LRRTM4: variants seen among roughly 807,000 people sequenced by gnomAD.
LRRTM4 encodes the protein leucine-rich repeat transmembrane neuronal protein 4.
LRRTM4 carries 25 observed loss-of-function variants against 47.6 expected under a neutral mutation model. The ratio of observed to expected loss-of-function variants is 0.53; its 90% confidence interval spans 0.38 to 0.73. The LOEUF is 0.73. Ranked by LOEUF, LRRTM4 falls within the 30% of genes least tolerant of loss-of-function variation. LRRTM4 has a pLI of 0.00. For missense variants in LRRTM4, 638 were observed against 713.4 expected, an observed-to-expected ratio of 0.89 and a Z score of 1.20; for synonymous variants, 311 against 269.5, an observed-to-expected ratio of 1.15 and a Z score of -1.51.
chr2:77,364,311 A>C (rs930421885), intron 3 of LRRTM4, among the ~76,000 whole-genome samples: 3 of 152,130 alleles, frequency 2.0e-5, no homozygotes, highest in Non-Finnish European at 4.4e-5. Context: ...TTCAAAATAA[A>C]TGCTGTATAT....
intron 3 of LRRTM4, among the ~76,000 whole-genome samples, chr2:76,954,586 G>C (rs1479006146): frequency 6.6e-6 from 1 of 151,692 alleles, no homozygotes; most frequent in Non-Finnish European, 1.5e-5. Flanking sequence ...GGGAGTTCCA[G>C]ACGAAGAAGA....
At chr2:77,296,417 C>G (rs143165386) in intron 3 of LRRTM4, among the ~76,000 whole-genome samples, 11 of 152,178 alleles carry the variant, frequency 7.2e-5, no homozygotes, top group African/African-American at 1.4e-4. Context: ...AGTATCATTA[C>G]CTTCTTTGTA....
intron 3 of LRRTM4, among the ~76,000 whole-genome samples, chr2:77,284,279 C>T (rs1676590330): frequency 6.6e-6 from 1 of 152,014 alleles, no homozygotes; most frequent in Non-Finnish European, 1.5e-5. Flanking sequence ...TCATAGTATA[C>T]TTACATATTG....
intron 3 of LRRTM4, among the ~76,000 whole-genome samples, chr2:77,313,968 T>A (rs1677546453): frequency 6.6e-6 from 1 of 152,222 alleles, no homozygotes; most frequent in Non-Finnish European, 1.5e-5. Flanking sequence ...CACGTTGCAA[T>A]GGGAATCATT....
At chr2:76,942,676 C>G (rs10193590) in intron 3 of LRRTM4, among the ~76,000 whole-genome samples, 34,464 of 148,142 alleles carry the variant, frequency 0.23, 4,828 homozygotes, top group African/African-American at 0.39. Context: ...CTCTAGGAAT[C>G]TGTGTGTGTG....
At chr2:77,343,293 G>A (rs1671442164) in intron 3 of LRRTM4, among the ~76,000 whole-genome samples, 2 of 151,912 alleles carry the variant, frequency 1.3e-5, no homozygotes, top group East Asian at 3.9e-4. Context: ...AACTTGCTTG[G>A]TCTTGTCATA....
At position 77,367,767 on chromosome 2, in the gene LRRTM4, T is replaced by A. The variant is rs145302268; in HGVS notation, c.1551+150551A>T. On this transcript the variant is annotated intron_variant, in intron 3 of 3. Coordinates refer to ENST00000409884, the MANE Select transcript of LRRTM4 (RefSeq NM_001134745.3). ...TGCTTTGTGGCCTTCAAGGTCTGGA[T>A]TGAGAGAGGCTCATCCATTCAATCA... 1.1e-4 allele frequency among the ~76,000 whole-genome samples: 16 copies of A among 151,946 alleles called. 1 individual carries two copies. The East Asian group carries it at 3.1e-3, about 29-fold the overall frequency.
intron 3 of LRRTM4, among the ~76,000 whole-genome samples, chr2:77,035,213 C>T (rs1183568407): frequency 6.6e-6 from 1 of 151,126 alleles, no homozygotes; most frequent in Non-Finnish European, 1.5e-5. Flanking sequence ...CCCTCCCCTT[C>T]CCCCCACCCC....
At chr2:77,145,482 T>C (rs1157858033) in intron 3 of LRRTM4, among the ~76,000 whole-genome samples, 1 of 151,872 alleles carries the variant, frequency 6.6e-6, no homozygotes, top group East Asian at 1.9e-4. Context: ...TTAAAAGTTG[T>C]ATGTGGCTGG....
At chr2:76,834,491 A>C (rs934293759) in intron 3 of LRRTM4, among the ~76,000 whole-genome samples, 1 of 151,988 alleles carries the variant, frequency 6.6e-6, no homozygotes, top group Non-Finnish European at 1.5e-5. Context: ...TATGTTTAAG[A>C]TCTAAGTACA....
rs558993659 is a variant in LRRTM4, at chr2:77,106,546, A to G, written c.1552-357630T>C. ...TGGAATTAAGTAACACATATTAAAA[A>G]AAAACTTAATGAAGAGAAAAATATT... is the stretch of plus-strand genomic sequence containing the variant. On this transcript the variant is annotated intron_variant, in intron 3 of 3. Coordinates refer to ENST00000409884, the MANE Select transcript of LRRTM4 (RefSeq NM_001134745.3). Among the ~76,000 whole-genome samples the G allele has an allele frequency of 2.6e-5, 4 of 152,290 alleles. No individual in the cohort carries two copies. The East Asian group carries it at 7.7e-4, about 29-fold the overall frequency.
At chr2:76,967,969 G>C (rs917072177) in intron 3 of LRRTM4, among the ~76,000 whole-genome samples, 1 of 151,154 alleles carries the variant, frequency 6.6e-6, no homozygotes, top group Non-Finnish European at 1.5e-5. Flanking sequence ...CAGTTGGTTG[G>C]CAAATATAAA....
At chr2:76,962,369 C>T (rs1326149515) in intron 3 of LRRTM4, among the ~76,000 whole-genome samples, 4 of 151,084 alleles carry the variant, frequency 2.6e-5, no homozygotes, top group Admixed American at 6.6e-5. Context: ...TAAGTAATTA[C>T]ATTACCTTCC....
In LRRTM4 at chr2:77,519,327, C is replaced by T. The variant is rs1271861750; in HGVS notation, c.542G>A (p.Arg181Gln). The change falls in exon 3 of 4, where the codon CGG becomes CAG. Residue 181 changes from arginine to glutamine, a missense_variant. Physicochemically the swap from Arg to Gln is conservative, Grantham distance 43. Coordinates refer to ENST00000409884, the MANE Select transcript of LRRTM4 (RefSeq NM_001134745.3). This position sits in a 1 kb window ranked among gnomAD's most constrained non-coding sequence, Gnocchi z 4.6. ...ACCCAAATCCAAAAAATCAAGATTCCGACAGTCTTGAAAAACTCTTATGGG... is the reference window on the plus strand; with the variant it reads ...ACCCAAATCCAAAAAATCAAGATTCTGACAGTCTTGAAAAACTCTTATGGG... ...TVPIRVFQDCRNLDFLDLGYN... is the reference protein window; with the variant it reads ...TVPIRVFQDCQNLDFLDLGYN... 1 of 1,613,376 alleles carries T rather than the reference C, an allele frequency of 6.2e-7. No individual in the cohort carries two copies.
chr2:76,874,116 T>C (rs1216604867), intron 3 of LRRTM4, among the ~76,000 whole-genome samples: 1 of 151,896 alleles, frequency 6.6e-6, no homozygotes, highest in Admixed American at 6.6e-5. Flanking sequence ...GTCTGCTTTT[T>C]TTTTTTCTCG....
intron 3 of LRRTM4, among the ~76,000 whole-genome samples, chr2:77,288,200 A>G (rs951403327): frequency 6.6e-6 from 1 of 151,974 alleles, no homozygotes; most frequent in Non-Finnish European, 1.5e-5. Context: ...AGTGTCAAGT[A>G]GAAAAAATAA....
chr2:77,378,442 T>C (rs572852813), intron 3 of LRRTM4, among the ~76,000 whole-genome samples: 201 of 152,228 alleles, frequency 1.3e-3, no homozygotes, highest in African/African-American at 4.7e-3. Context: ...AAAATGTATC[T>C]CTATATAAGA....
chr2:76,763,357 G>T (rs1335320799), intron 3 of LRRTM4, among the ~76,000 whole-genome samples: 1 of 152,158 alleles, frequency 6.6e-6, no homozygotes, highest in African/African-American at 2.4e-5. Context: ...TCACAAGGTG[G>T]GTTCCTGATC....
intron 3 of LRRTM4, among the ~76,000 whole-genome samples, chr2:77,090,351 C>T (rs962621897): frequency 1.4e-4 from 21 of 152,248 alleles, no homozygotes; most frequent in Admixed American, 1.4e-3. Flanking sequence ...AACCCTGAGA[C>T]ACTTTACAGC....
Sources: allele counts gnomAD v4.1 joint callset (sites outside exome capture counted in the v4.1 genomes callset), GRCh38; gene constraint gnomAD v4.1.1; non-coding constraint Gnocchi (gnomAD v3.1); transcripts MANE v1.5; gene names NCBI Gene and HGNC (gene_info 2026-07-23, HGNC 2026-07-21).